The following FBXL19 variants were observed in gnomAD, a reference collection of about 807,000 sequenced individuals.
FBXL19 encodes F-box/LRR-repeat protein 19.
In FBXL19, 16 loss-of-function variants were observed where a neutral mutation model predicts 71.2. That is an observed-to-expected ratio of 0.22 (90% CI 0.15 to 0.34). FBXL19 has a LOEUF of 0.34. Among genes scored for constraint, FBXL19 ranks in the 10% least tolerant of loss-of-function variants. FBXL19 has a pLI of 1.00. For missense variants in FBXL19, 658 were observed against 968.2 expected (o/e 0.68, Z 4.25); for synonymous variants, 447 against 409.4 (o/e 1.09, Z -1.11).
In FBXL19 at chr16:30,930,136, G is replaced by A; in HGVS notation, c.853G>A (p.Glu285Lys). 6.2e-7 allele frequency: 1 copy of A among 1,613,542 alleles called. No individual in the cohort carries two copies. Among genetic ancestry groups the A allele is most frequent in the Non-Finnish European group, 8.5e-7 (1 of 1,179,882 alleles). The change falls in exon 7 of 11, where the codon GAG (glutamate) becomes AAG (lysine). Residue 285 changes from glutamate to lysine, a missense_variant. Glu to Lys is a moderately conservative substitution (Grantham distance 56). This residue lies in a region of FBXL19 where 447 missense variants were observed against 515.4 expected (regional missense o/e 0.87). Coordinates refer to ENST00000338343, the MANE Select transcript of FBXL19 (RefSeq NM_001382779.1). The surrounding 1 kb of genome is among the most constrained non-coding windows in gnomAD (Gnocchi z 8.5). ...PAVPSPSPQR[E>K]KLERFKRMCQ... ...GGTGCCGTCCCCGTCCCCGCAGAGGGAGAAGCTAGAGCGTTTCAAGCGGAT... is the reference window on the plus strand; with the variant it reads ...GGTGCCGTCCCCGTCCCCGCAGAGGAAGAAGCTAGAGCGTTTCAAGCGGAT...
At chr16:30,939,563 T>TC (rs2055779031) in intron 7 of FBXL19, among the ~76,000 whole-genome samples, 1 of 150,350 alleles carries the variant, frequency 6.7e-6, no homozygotes, top group Admixed American at 6.6e-5. Context: ...ACAGGCGCCC[T>TC]CCACCACGCC....
In FBXL19 at chr16:30,932,208, C is replaced by G. The variant is rs961615300; in HGVS notation, c.1301+1624C>G. On this transcript the variant is annotated intron_variant, in intron 7 of 10. Transcript: ENST00000338343. ...GAAATAGGAACTACTTGAAAGAGCT[C>G]TCATTGTAGCCAGTATTTACTTAGT... is the stretch of plus-strand genomic sequence containing the variant. Among the ~76,000 whole-genome samples, 5 of 152,194 alleles carry G rather than the reference C, an allele frequency of 3.3e-5. No homozygotes were observed. The South Asian group carries it at 6.2e-4, about 19-fold the overall frequency.
At chr16:30,935,744 A>G (rs1174478642) in intron 7 of FBXL19, among the ~76,000 whole-genome samples, 1 of 152,060 alleles carries the variant, frequency 6.6e-6, no homozygotes, top group Non-Finnish European at 1.5e-5. Flanking sequence ...GGCTTCTGCA[A>G]GAGGGAGGGT....
chr16:30,927,301 C>A lies in FBXL19; in HGVS notation c.178-7C>A. On this transcript the variant is annotated splice_region_variant and splice_polypyrimidine_tract_variant and intron_variant, in intron 2 of 10. Coordinates refer to ENST00000338343, the MANE Select transcript of FBXL19 (RefSeq NM_001382779.1). ...CGGGGCCCCTGATGTCCCCTCTCCC[C>A]CAACAGCCCGTGCTCCCACACACAG... is the stretch of plus-strand genomic sequence containing the variant. The A allele has an allele frequency of 2.6e-6, 4 of 1,552,630 alleles. No homozygotes were observed. The highest frequency in any genetic ancestry group is 2.6e-6 in the Non-Finnish European group (3 of 1,148,324).
intron 7 of FBXL19, among the ~76,000 whole-genome samples, chr16:30,933,267 T>G (rs1312398400): frequency 6.6e-6 from 1 of 151,924 alleles, no homozygotes; most frequent in Non-Finnish European, 1.5e-5. Flanking sequence ...CCTCCCAAAG[T>G]GCTGAGATTA....
In FBXL19 at chr16:30,947,681, TG is replaced by T. The variant is rs2055876522; in HGVS notation, c.*456del. Reference sequence around the variant, plus strand: ...AAGACCAGTTACTTGGAGTGGGGGGTGGGGGTGGGGCCACAAAAGGAAAACC... The same window carrying T: ...AAGACCAGTTACTTGGAGTGGGGGGTGGGGTGGGGCCACAAAAGGAAAACC... On this transcript the variant is annotated 3_prime_UTR_variant, in exon 11 of 11. Coordinates refer to ENST00000338343, the MANE Select transcript of FBXL19 (RefSeq NM_001382779.1). The T allele has an allele frequency of 1.6e-5, 2 of 128,658 alleles. No individual in the cohort carries two copies. Among genetic ancestry groups the T allele is most frequent in the African/African-American group, 1.4e-4 (1 of 7,168 alleles). 8.0% of individuals were successfully genotyped at this position (128,658 alleles called of 1,614,324 possible). A position where few individuals can be genotyped will look rare whatever the true frequency, so the allele number is the denominator to read the frequency against.
At chr16:30,936,601 C>CTTTTTTTTT (rs547272418) in intron 7 of FBXL19, among the ~76,000 whole-genome samples, 342 of 118,056 alleles carry the variant, frequency 2.9e-3, no homozygotes, top group African/African-American at 6.2e-3. Flanking sequence ...AATTTTTTTT[C>CTTTTTTTTT]TTTTTTTTTT....
At chr16:30,932,668 G>A (rs1206035572) in intron 7 of FBXL19, among the ~76,000 whole-genome samples, 1 of 151,980 alleles carries the variant, frequency 6.6e-6, no homozygotes, top group African/African-American at 2.4e-5. Flanking sequence ...TACAAAGCCC[G>A]CAGCACAGTG....
Position 30,928,527 on chromosome 16 carries a change from G to A in FBXL19, c.688G>A (p.Gly230Arg), listed in dbSNP as rs1172800462. The change falls in exon 6 of 11, where the codon GGA (glycine) becomes AGA (arginine). Residue 230 changes from glycine (G) to arginine (R), a missense_variant. Physicochemically the swap from Gly to Arg is moderately radical, Grantham distance 125. Transcript: ENST00000338343. ...GGGTGGAGACGCCTGCCTCCTCCGAGGATCGGACCCAGGCGGCCCGGGCCT... is the reference window on the plus strand; with the variant it reads ...GGGTGGAGACGCCTGCCTCCTCCGAAGATCGGACCCAGGCGGCCCGGGCCT... ...KVGGDACLLR[G>R]SDPGGPGLLP... is the part of the protein sequence containing the mutation. 2 of 1,608,090 alleles carry A rather than the reference G, an allele frequency of 1.2e-6. No homozygotes were observed. Among genetic ancestry groups the A allele is most frequent in the Non-Finnish European group, 1.7e-6 (2 of 1,177,102 alleles).
At chr16:30,938,438 T>G (rs1227219195) in intron 7 of FBXL19, among the ~76,000 whole-genome samples, 1 of 152,104 alleles carries the variant, frequency 6.6e-6, no homozygotes, top group Non-Finnish European at 1.5e-5. Context: ...CCCAGGAGTT[T>G]GAGGCTGCAG....
chr16:30,922,992 A>G (rs984424931), upstream of FBXL19: 1 of 454,012 alleles, frequency 2.2e-6, no homozygotes, highest in Admixed American at 2.4e-5. Context: ...AGGCTATAAA[A>G]CTACTAATCC....
intron 7 of FBXL19, among the ~76,000 whole-genome samples, chr16:30,933,898 A>G (rs938652007): frequency 1.3e-5 from 2 of 151,882 alleles, no homozygotes; most frequent in Non-Finnish European, 2.9e-5. Flanking sequence ...GATTACAGAC[A>G]TGCGCCACTA....
In FBXL19 at chr16:30,927,955, A is replaced by G. The variant is rs1489968894; in HGVS notation, c.619A>G (p.Arg207Gly). ...GGCAGGGAATGAGCCTCCCACCCCA[A>G]GGAAAAAGGTGAGCCACGGAGCACG... ...REAGNEPPTP[R>G]KKVKGGRERH... Residue 207 changes from arginine to glycine, a missense_variant, in exon 5 of 11, where the codon AGG becomes GGG. By Grantham distance (125) the Arg-to-Gly change is moderately radical (BLOSUM62 -2). Coordinates refer to ENST00000338343, the MANE Select transcript of FBXL19 (RefSeq NM_001382779.1). 2.6e-6 allele frequency: 4 copies of G among 1,522,242 alleles called. No individual in the cohort carries two copies. Among genetic ancestry groups the G allele is most frequent in the South Asian group, 2.7e-5 (2 of 75,262 alleles). The allele number at this position is 1,522,242 out of a possible 1,614,324, so 94.3% of individuals were successfully genotyped here. A position where few individuals can be genotyped will look rare whatever the true frequency, so the allele number is the denominator to read the frequency against.
In FBXL19 at chr16:30,947,243, C is replaced by G. The variant is rs764324227; in HGVS notation, c.*13C>G. The G allele has an allele frequency of 2.6e-6, 4 of 1,561,200 alleles. No individual in the cohort carries two copies. The highest frequency in any genetic ancestry group is 2.6e-6 in the Non-Finnish European group (3 of 1,158,112). On this transcript the variant is annotated 3_prime_UTR_variant, in exon 11 of 11. Transcript: ENST00000338343. ...CAAGGACAGCTAGTTGGGCGCCCCC[C>G]ACCCTCCCCCGGACTCGACAGGAGC...
intron 2 of FBXL19, among the ~76,000 whole-genome samples, chr16:30,926,490 G>T (rs1249208641): frequency 6.6e-6 from 1 of 152,108 alleles, no homozygotes; most frequent in African/African-American, 2.4e-5. Context: ...GGAAGCATGG[G>T]TTTCCGCCCT....
Position 30,946,662 on chromosome 16 carries a change from A to G in FBXL19, c.1628-68A>G. ...TATGTGGGAAGCAGGTGGAGGGCAGATGGTCTGGATACCTGGGCGCAGGGA... is the reference window on the plus strand; with the variant it reads ...TATGTGGGAAGCAGGTGGAGGGCAGGTGGTCTGGATACCTGGGCGCAGGGA... On this transcript the variant is annotated intron_variant, in intron 9 of 10. Coordinates refer to ENST00000338343, the MANE Select transcript of FBXL19 (RefSeq NM_001382779.1). This position sits in a 1 kb window ranked among gnomAD's most constrained non-coding sequence, Gnocchi z 6.7. 6.9e-7 allele frequency: 1 copy of G among 1,455,674 alleles called. No individual in the cohort carries two copies. Among genetic ancestry groups the G allele is most frequent in the Non-Finnish European group, 9.3e-7 (1 of 1,072,192 alleles). The allele number at this position is 1,455,674 out of a possible 1,614,324, so 90.2% of individuals were successfully genotyped here. A position where few individuals can be genotyped will look rare whatever the true frequency, so the allele number is the denominator to read the frequency against.
intron 7 of FBXL19, among the ~76,000 whole-genome samples, chr16:30,937,905 G>C (rs1420938418): frequency 6.6e-6 from 1 of 152,138 alleles, no homozygotes; most frequent in East Asian, 1.9e-4. Context: ...GGAGGCAGTC[G>C]TGGCAGGGTC....
In FBXL19 at chr16:30,948,099, G is replaced by A. The variant is rs1208275282; in HGVS notation, c.*869G>A. ...AGGGGACTGGACCAGCTTGGACTGA[G>A]ACCTGAGACCGGGCCGGTGGGCGCC... is the stretch of plus-strand genomic sequence containing the variant. On this transcript the variant is annotated 3_prime_UTR_variant, in exon 11 of 11. Transcript: ENST00000338343. 2.5e-5 allele frequency: 6 copies of A among 238,610 alleles called. No individual in the cohort carries two copies. Among genetic ancestry groups the A allele is most frequent in the Non-Finnish European group, 4.3e-5 (5 of 117,048 alleles). 14.8% of individuals were successfully genotyped at this position (238,610 alleles called of 1,614,324 possible). A position where few individuals can be genotyped will look rare whatever the true frequency, so the allele number is the denominator to read the frequency against.
intron 7 of FBXL19, among the ~76,000 whole-genome samples, chr16:30,933,580 G>A (rs907168004): frequency 6.6e-6 from 1 of 152,086 alleles, no homozygotes; most frequent in Non-Finnish European, 1.5e-5. Context: ...CTCCTGAGTA[G>A]CTGGGATTGC....
Sources: allele counts gnomAD v4.1 joint callset (sites outside exome capture counted in the v4.1 genomes callset), GRCh38; gene constraint gnomAD v4.1.1; regional missense constraint gnomAD v4.1.1; non-coding constraint Gnocchi (gnomAD v3.1); transcripts MANE v1.5; gene names NCBI Gene and HGNC (gene_info 2026-07-23, HGNC 2026-07-21).